The following NRG1 variants were observed in gnomAD, a reference collection of about 807,000 sequenced individuals.
NRG1 encodes the protein pro-neuregulin-1, membrane-bound isoform.
In NRG1, 18 loss-of-function variants were observed where a neutral mutation model predicts 63.8. The observed-to-expected ratio is 0.28, with a 90% CI of 0.19 to 0.42. The LOEUF (loss-of-function observed/expected upper bound fraction) is 0.42, where lower values mean the gene tolerates loss of function less well. Ranked by LOEUF, NRG1 falls within the 10% of genes least tolerant of loss-of-function variation. The pLI is 1.00. For synonymous variants in NRG1, 302 were observed against 301.3 expected (o/e 1.00, Z -0.02); for missense variants, 762 against 814.7 (o/e 0.94, Z 0.79).
At chr8:32,186,643 C>A (rs1229626354) in intron 1 of NRG1, among the ~76,000 whole-genome samples, 2 of 152,080 alleles carry the variant, frequency 1.3e-5, no homozygotes, top group African/African-American at 4.8e-5. Flanking sequence ...GTCCTGGAAG[C>A]TTGTAAGAAA....
intron 1 of NRG1, among the ~76,000 whole-genome samples, chr8:31,743,326 G>GC: frequency 6.6e-6 from 1 of 152,096 alleles, no homozygotes; most frequent in Non-Finnish European, 1.5e-5. Flanking sequence ...CTAGTGCATA[G>GC]CCCCATGCCT....
At chr8:31,863,845 C>T (rs1279515214) in intron 1 of NRG1, among the ~76,000 whole-genome samples, 1 of 152,162 alleles carries the variant, frequency 6.6e-6, no homozygotes, top group Non-Finnish European at 1.5e-5. Flanking sequence ...ACTGGGCGCT[C>T]TCATAGCTTC....
At chr8:32,609,554 CCTTCCTTCCTT>C (rs1450098081) in intron 3 of NRG1, among the ~76,000 whole-genome samples, 3 of 11,790 alleles carry the variant, frequency 2.5e-4, no homozygotes, top group African/African-American at 3.9e-4. Context: ...TTCCCTCCCT[CCTTCCTTCCTT>C]CCTTCCTTCC....
At chr8:32,083,072 G>A (rs1827709128) in intron 1 of NRG1, among the ~76,000 whole-genome samples, 1 of 152,156 alleles carries the variant, frequency 6.6e-6, no homozygotes, top group Non-Finnish European at 1.5e-5. Flanking sequence ...GGAGATGTGG[G>A]CGCAGTCATG....
intron 1 of NRG1, among the ~76,000 whole-genome samples, chr8:32,472,527 C>T (rs1823981931): frequency 6.6e-6 from 1 of 152,214 alleles, no homozygotes; most frequent in African/African-American, 2.4e-5. Flanking sequence ...GCATTTAGTA[C>T]ACATTCATCT....
At chr8:32,271,928 T>C (rs1036652510) in intron 1 of NRG1, among the ~76,000 whole-genome samples, 2 of 152,096 alleles carry the variant, frequency 1.3e-5, no homozygotes, top group African/African-American at 2.4e-5. Flanking sequence ...TCAGAGGCAG[T>C]CCAGACAGAG....
intron 1 of NRG1, among the ~76,000 whole-genome samples, chr8:31,773,229 C>T (rs984676642): frequency 1.3e-5 from 2 of 152,190 alleles, no homozygotes; most frequent in African/African-American, 2.4e-5. Context: ...CAGCATGGCT[C>T]AGTGCTCACT....
intron 1 of NRG1, among the ~76,000 whole-genome samples, chr8:32,580,129 G>C (rs536720380): frequency 6.6e-6 from 1 of 152,158 alleles, no homozygotes; most frequent in Non-Finnish European, 1.5e-5. Context: ...ATGGATTTTG[G>C]TATCTGCAGG....
chr8:32,721,815 C>G, intron 5 of NRG1: 2 of 1,327,260 alleles, frequency 1.5e-6, no homozygotes, highest in African/African-American at 1.5e-5. Flanking sequence ...TCTAGAGAAG[C>G]TACATTAGGT....
chr8:32,098,534 C>G (rs1830167996), intron 1 of NRG1: 1 of 152,138 alleles, frequency 6.6e-6, no homozygotes, highest in Non-Finnish European at 1.5e-5. Context: ...AGCCTTGACT[C>G]TATTAGGTGA....
chr8:32,071,276 T>C (rs1333346011), intron 1 of NRG1, among the ~76,000 whole-genome samples: 1 of 152,240 alleles, frequency 6.6e-6, no homozygotes, highest in Non-Finnish European at 1.5e-5. Context: ...TGTAAATAAA[T>C]GATATTTTTA....
intron 1 of NRG1, among the ~76,000 whole-genome samples, chr8:32,284,553 C>T (rs1049008029): frequency 2.3e-5 from 3 of 131,578 alleles, no homozygotes; most frequent in African/African-American, 8.7e-5. Flanking sequence ...TTTCTTTCCA[C>T]AGAATCTCGC....
intron 6 of NRG1, among the ~76,000 whole-genome samples, chr8:32,737,170 A>G (rs1367003059): frequency 6.6e-6 from 1 of 152,188 alleles, no homozygotes; most frequent in East Asian, 1.9e-4. Flanking sequence ...AAAGAATCAA[A>G]GAATCTTTTC....
At chr8:32,148,878 A>G (rs992947133) in intron 1 of NRG1, among the ~76,000 whole-genome samples, 4 of 152,212 alleles carry the variant, frequency 2.6e-5, no homozygotes, top group Non-Finnish European at 5.9e-5. Context: ...CTTTACAGCT[A>G]TTAAGTTGCA....
At chr8:32,458,539 A>C (rs80049675) in intron 1 of NRG1, among the ~76,000 whole-genome samples, 18 of 152,046 alleles carry the variant, frequency 1.2e-4, no homozygotes, top group Non-Finnish European at 2.2e-4. Flanking sequence ...TACCACAACA[A>C]ATATATTTCT....
At chr8:32,515,132 T>C (rs13248822) in intron 1 of NRG1, among the ~76,000 whole-genome samples, 25,524 of 151,996 alleles carry the variant, frequency 0.17, 2,556 homozygotes, top group Admixed American at 0.31. Flanking sequence ...TTTGGATATA[T>C]ACTTAGTAAT....
chr8:31,966,401 T>C (rs562940944), intron 1 of NRG1, among the ~76,000 whole-genome samples: 1 of 152,320 alleles, frequency 6.6e-6, no homozygotes, highest in African/African-American at 2.4e-5. Context: ...AAACTGTGTG[T>C]AGAAAAATAC....
chr8:31,841,618 T>A (rs1030130111), intron 1 of NRG1, among the ~76,000 whole-genome samples: 3 of 152,122 alleles, frequency 2.0e-5, no homozygotes, highest in African/African-American at 7.2e-5. Context: ...TATATGGCAA[T>A]TTATGATTTA....
intron 1 of NRG1, among the ~76,000 whole-genome samples, chr8:32,540,293 G>A (rs1832452898): frequency 6.6e-6 from 1 of 152,094 alleles, no homozygotes; most frequent in South Asian, 2.1e-4. Flanking sequence ...TTTACATTGT[G>A]CTTCTGAGAC....
Sources: allele counts gnomAD v4.1 joint callset (sites outside exome capture counted in the v4.1 genomes callset), GRCh38; gene constraint gnomAD v4.1.1; transcripts MANE v1.5; gene names NCBI Gene and HGNC (gene_info 2026-07-23, HGNC 2026-07-21).